SORBS2: variants seen among roughly 807,000 people sequenced by gnomAD.
SORBS2 encodes the protein sorbin and SH3 domain containing 2.
In SORBS2, 46 loss-of-function variants were observed where a neutral mutation model predicts 97.7. The observed-to-expected ratio is 0.47, with a 90% CI of 0.37 to 0.60. The LOEUF (loss-of-function observed/expected upper bound fraction) is 0.60. Among genes scored for constraint, SORBS2 ranks in the 20% least tolerant of loss-of-function variants. SORBS2 has a pLI of 0.00. For synonymous variants in SORBS2, 476 were observed against 473.4 expected, an observed-to-expected ratio of 1.01 and a Z score of -0.07; for missense variants, 1,316 against 1,282.3, an observed-to-expected ratio of 1.03 and a Z score of -0.40.
intron 2 of SORBS2, among the ~76,000 whole-genome samples, chr4:185,731,663 T>C (rs1249046826): frequency 1.4e-4 from 10 of 69,912 alleles, no homozygotes; most frequent in South Asian, 7.7e-4. Flanking sequence ...TCCCTCCCTA[T>C]CTCTCTCCCT....
At chr4:185,611,289 C>T (rs929620871) in intron 12 of SORBS2, among the ~76,000 whole-genome samples, 1 of 151,756 alleles carries the variant, frequency 6.6e-6, no homozygotes, top group African/African-American at 2.4e-5. Context: ...TTGTGATATA[C>T]TATTTTGAGA....
At chr4:185,616,281 C>T (rs566803145) in intron 9 of SORBS2, among the ~76,000 whole-genome samples, 130 of 151,742 alleles carry the variant, frequency 8.6e-4, no homozygotes, top group African/African-American at 3.0e-3. Flanking sequence ...AAGAATTAAT[C>T]GAAAAAATGG....
intron 1 of SORBS2, among the ~76,000 whole-genome samples, chr4:185,939,489 A>G (rs2099270762): frequency 6.6e-6 from 1 of 151,856 alleles, no homozygotes; most frequent in South Asian, 2.1e-4. Context: ...TTCTCCAAAG[A>G]GGTATCTGCA....
At chr4:185,791,389 G>A (rs1308286927) in intron 1 of SORBS2, among the ~76,000 whole-genome samples, 1 of 152,080 alleles carries the variant, frequency 6.6e-6, no homozygotes, top group Non-Finnish European at 1.5e-5. Context: ...GGGTGTGGAA[G>A]GTCCAGGAGG....
intron 2 of SORBS2, among the ~76,000 whole-genome samples, chr4:185,688,091 C>T (rs2153514643): frequency 6.6e-6 from 1 of 152,230 alleles, no homozygotes; most frequent in South Asian, 2.1e-4. Flanking sequence ...TTCCTTCTCT[C>T]CTTTCTTCAA....
intron 4 of SORBS2, among the ~76,000 whole-genome samples, chr4:185,637,599 C>A (rs1397008289): frequency 6.6e-6 from 1 of 152,164 alleles, no homozygotes; most frequent in Non-Finnish European, 1.5e-5. Flanking sequence ...CATTACTTAA[C>A]CCCTCCAGTC....
chr4:185,669,584 T>C (rs1192564936), intron 4 of SORBS2, among the ~76,000 whole-genome samples: 1 of 152,088 alleles, frequency 6.6e-6, no homozygotes, highest in Non-Finnish European at 1.5e-5. Context: ...GGGAAAGTGC[T>C]CGTTGGGGTG....
chr4:185,893,878 T>A (rs2099243698), intron 1 of SORBS2, among the ~76,000 whole-genome samples: 1 of 152,080 alleles, frequency 6.6e-6, no homozygotes, highest in Non-Finnish European at 1.5e-5. Flanking sequence ...GGGGTAAAAG[T>A]CTCTATCAGA....
chr4:185,666,059 A>T, intron 4 of SORBS2: 1 of 1,289,756 alleles, frequency 7.8e-7, no homozygotes, highest in Non-Finnish European at 1.0e-6. Flanking sequence ...AGTGATGCTG[A>T]GCTGGTGCCA....
intron 1 of SORBS2, among the ~76,000 whole-genome samples, chr4:185,899,439 A>T (rs1561280848): frequency 6.6e-6 from 1 of 151,724 alleles, no homozygotes; most frequent in Non-Finnish European, 1.5e-5. Context: ...GTTTATTTTT[A>T]TTTTTTTTAA....
chr4:185,853,891 C>G (rs886554040), intron 1 of SORBS2, among the ~76,000 whole-genome samples: 1 of 152,140 alleles, frequency 6.6e-6, no homozygotes, highest in African/African-American at 2.4e-5. Context: ...TTTGGTAAAG[C>G]TTTCAGTGAA....
chr4:185,742,678 G>T (rs568698572), intron 2 of SORBS2, among the ~76,000 whole-genome samples: 176 of 152,290 alleles, frequency 1.2e-3, no homozygotes, highest in African/African-American at 4.0e-3. Context: ...TTTAGCAAAG[G>T]TTTTAACTAA....
At chr4:185,651,658 A>T in intron 2 of SORBS2, 126 bp downstream of exon 11, 1 of 704,240 alleles carries the variant, frequency 1.4e-6, no homozygotes, top group Middle Eastern at 2.3e-4. Flanking sequence ...AAGAAAAGAA[A>T]TCCTCCTCCT....
At chr4:185,950,983 C>T (rs577710554) in intron 1 of SORBS2, among the ~76,000 whole-genome samples, 1 of 152,230 alleles carries the variant, frequency 6.6e-6, no homozygotes, top group African/African-American at 2.4e-5. Context: ...GAGTTTAAAG[C>T]AAGGAAGGAT....
chr4:185,869,249 C>A (rs2099229026), intron 1 of SORBS2, among the ~76,000 whole-genome samples: 1 of 152,260 alleles, frequency 6.6e-6, no homozygotes, highest in African/African-American at 2.4e-5. Context: ...TTTTCTTAAT[C>A]TTTCTGACTC....
intron 1 of SORBS2, among the ~76,000 whole-genome samples, chr4:185,806,243 A>C (rs575463627): frequency 8.5e-5 from 13 of 152,328 alleles, no homozygotes; most frequent in Non-Finnish European, 1.5e-4. Flanking sequence ...AGCGAGAAGT[A>C]AGTACAGGGA....
chr4:185,664,652 A>T (rs2097571322), intron 4 of SORBS2, among the ~76,000 whole-genome samples: 1 of 152,220 alleles, frequency 6.6e-6, no homozygotes, highest in Admixed American at 6.5e-5. Flanking sequence ...GCAAAGTGTT[A>T]GACACAGCCA....
chr4:185,794,030 T>G lies in SORBS2; in HGVS notation c.-337-18664A>C, dbSNP rs560254391. On this transcript the variant is annotated intron_variant, in intron 1 of 20. Transcript: ENST00000284776. Reference sequence around the variant, plus strand: ...GGAGCCCTGCCTTTGACAAGGCACATACAAAGGGAAAGTCTGTCAAAAAGC... The same window carrying G: ...GGAGCCCTGCCTTTGACAAGGCACAGACAAAGGGAAAGTCTGTCAAAAAGC... Among the ~76,000 whole-genome samples, 9 of 152,280 alleles carry G rather than the reference T, an allele frequency of 5.9e-5. No individual in the cohort carries two copies. The South Asian group carries it at 1.9e-3, about 32-fold the overall frequency.
intron 1 of SORBS2, among the ~76,000 whole-genome samples, chr4:185,867,350 G>T (rs541050093): frequency 6.6e-6 from 1 of 152,262 alleles, no homozygotes; most frequent in South Asian, 2.1e-4. Flanking sequence ...CTTCCTATTA[G>T]CAAAGGGCTA....
Sources: allele counts gnomAD v4.1 joint callset (sites outside exome capture counted in the v4.1 genomes callset), GRCh38; gene constraint gnomAD v4.1.1; transcripts MANE v1.5; gene names NCBI Gene and HGNC (gene_info 2026-07-23, HGNC 2026-07-21).